MAN1C1: variants seen among roughly 807,000 people sequenced by gnomAD.
MAN1C1 encodes mannosyl-oligosaccharide 1,2-alpha-mannosidase IC.
MAN1C1 carries 49 observed loss-of-function variants against 71.5 expected under a neutral mutation model. The observed-to-expected ratio is 0.69, with a 90% CI of 0.54 to 0.87. MAN1C1 has a LOEUF of 0.87. Ranked by LOEUF, MAN1C1 falls within the 40% of genes least tolerant of loss-of-function variation. MAN1C1 has a pLI of 0.00. For missense variants in MAN1C1, 743 were observed against 835.0 expected (o/e 0.89, Z 1.36); for synonymous variants, 352 against 343.7 (o/e 1.02, Z -0.27).
At position 25,686,224 on chromosome 1, in the gene MAN1C1, T is replaced by C. The variant is rs986306637; in HGVS notation, c.541-216T>C. ...CTCTAAGAAATCTGTGGGTAGGCCC[T>C]AGACACATGGCGTTGTCTAAGAAGA... On this transcript the variant is annotated intron_variant, in intron 1 of 11. Transcript: ENST00000374332. Among the ~76,000 whole-genome samples the C allele has an allele frequency of 2.2e-4, 34 of 152,360 alleles. 1 individual carries two copies. The highest frequency in any genetic ancestry group is 7.2e-4 in the Admixed American group (11 of 15,308).
chr1:25,709,519 T>C (rs2124243794), intron 2 of MAN1C1: 1 of 152,382 alleles, frequency 6.6e-6, no homozygotes, highest in South Asian at 2.1e-4. Flanking sequence ...CCCATGCTCT[T>C]ACCCAGGGCT....
intron 1 of MAN1C1, among the ~76,000 whole-genome samples, chr1:25,671,927 G>A (rs2045998205): frequency 6.6e-6 from 1 of 152,176 alleles, no homozygotes; most frequent in Non-Finnish European, 1.5e-5. Flanking sequence ...TGGTAGAGGT[G>A]GGACTTATTA....
chr1:25,714,498 C>T (rs1009074047), intron 2 of MAN1C1, among the ~76,000 whole-genome samples: 7 of 152,072 alleles, frequency 4.6e-5, no homozygotes, highest in Admixed American at 2.6e-4. Context: ...AATGCATCCT[C>T]AAGCATTGAT....
Position 25,744,069 on chromosome 1 carries a change from G to T in MAN1C1, c.638-2599G>T, listed in dbSNP as rs77803490. Among the ~76,000 whole-genome samples the T allele has an allele frequency of 1.3e-3, 194 of 152,298 alleles. 1 individual carries two copies. Among genetic ancestry groups the T allele is most frequent in the African/African-American group, 4.7e-3 (194 of 41,546 alleles). On this transcript the variant is annotated intron_variant, in intron 2 of 11. Coordinates refer to ENST00000374332, the MANE Select transcript of MAN1C1 (RefSeq NM_020379.4). ...CTATGACAATGAAGGGGTAGGGGCA[G>T]CAGGATCCCCCAGATTCTTCCAGGC...
chr1:25,660,189 G>A (rs2045825719), intron 1 of MAN1C1, among the ~76,000 whole-genome samples: 1 of 152,040 alleles, frequency 6.6e-6, no homozygotes, highest in African/African-American at 2.4e-5. Context: ...ATCACCTGAG[G>A]TCAGGAGTTT....
At chr1:25,643,586 T>TTA (rs2045568550) in intron 1 of MAN1C1, among the ~76,000 whole-genome samples, 1 of 139,874 alleles carries the variant, frequency 7.1e-6, no homozygotes, top group African/African-American at 2.8e-5. Flanking sequence ...TATATATATA[T>TTA]TTATTATTAT....
At chr1:25,654,771 C>T (rs906470289) in intron 1 of MAN1C1, among the ~76,000 whole-genome samples, 13 of 152,138 alleles carry the variant, frequency 8.5e-5, no homozygotes, top group Admixed American at 8.5e-4. Context: ...CTCAGCCTCC[C>T]GAGTAGCTGG....
chr1:25,683,027 G>T (rs1051460269), intron 1 of MAN1C1, among the ~76,000 whole-genome samples: 3 of 146,660 alleles, frequency 2.0e-5, no homozygotes, highest in African/African-American at 7.6e-5. Flanking sequence ...AGCAGAGTGA[G>T]ACTCCATCTC....
chr1:25,762,201 A>G (rs2047370836), intron 6 of MAN1C1, among the ~76,000 whole-genome samples: 1 of 140,740 alleles, frequency 7.1e-6, no homozygotes, highest in South Asian at 2.2e-4. Context: ...ATTATAGCTC[A>G]CTCCAGCCTC....
At chr1:25,710,165 C>T (rs1394918197) in intron 2 of MAN1C1, 3 of 152,226 alleles carry the variant, frequency 2.0e-5, no homozygotes, top group African/African-American at 2.4e-5. Context: ...CATTGCTGTT[C>T]TCCCACTGGC....
chr1:25,619,770 T>A (rs748639762), intron 1 of MAN1C1, among the ~76,000 whole-genome samples: 7 of 152,218 alleles, frequency 4.6e-5, no homozygotes, highest in Non-Finnish European at 8.8e-5. Context: ...GGAACTACGC[T>A]GTTGAATACT....
intron 6 of MAN1C1, among the ~76,000 whole-genome samples, chr1:25,762,108 CTTTCT>C (rs148324488): frequency 0.53 from 63,939 of 121,262 alleles, 16,520 homozygotes; most frequent in Middle Eastern, 0.74. Context: ...ACCACATTTT[CTTTCT>C]TTTCTTTTCT....
rs1035179233 is a variant in MAN1C1 at position 25,776,918 on chromosome 1, C to T, written c.1258-1187C>T. 5.3e-5 allele frequency among the ~76,000 whole-genome samples: 8 copies of T among 152,158 alleles called. No homozygotes were observed. The highest frequency in any genetic ancestry group is 1.9e-4 in the African/African-American group (8 of 41,414). On this transcript the variant is annotated intron_variant, in intron 8 of 11. Coordinates refer to ENST00000374332, the MANE Select transcript of MAN1C1 (RefSeq NM_020379.4). The surrounding 1 kb of genome is among the most constrained non-coding windows in gnomAD (Gnocchi z 4.3). Reference sequence around the variant, plus strand: ...TCACAACCCTATGAGGCAGTTAATGCTCTTATCCCCAGTTTACACGTTAGG... The same window carrying T: ...TCACAACCCTATGAGGCAGTTAATGTTCTTATCCCCAGTTTACACGTTAGG...
chr1:25,629,458 C>T (rs1387669353), intron 1 of MAN1C1, among the ~76,000 whole-genome samples: 1 of 152,100 alleles, frequency 6.6e-6, no homozygotes, highest in Non-Finnish European at 1.5e-5. Flanking sequence ...TATTTTGAGA[C>T]AGGGTCTCCC....
intron 2 of MAN1C1, among the ~76,000 whole-genome samples, chr1:25,721,673 C>G (rs1241056128): frequency 6.6e-6 from 1 of 152,192 alleles, no homozygotes; most frequent in Non-Finnish European, 1.5e-5. Context: ...TTAGTAGATT[C>G]CGTAGGATTT....
chr1:25,625,361 A>G (rs935389783), intron 1 of MAN1C1, among the ~76,000 whole-genome samples: 4 of 152,204 alleles, frequency 2.6e-5, no homozygotes, highest in South Asian at 4.1e-4. Flanking sequence ...AAAACCGTGT[A>G]GACCACAGTT....
At chr1:25,758,294 A>G (rs1358408255) in intron 5 of MAN1C1, among the ~76,000 whole-genome samples, 3 of 152,228 alleles carry the variant, frequency 2.0e-5, no homozygotes, top group Non-Finnish European at 4.4e-5. Context: ...TAAATTCAGC[A>G]TAACTCTTGT....
intron 2 of MAN1C1, among the ~76,000 whole-genome samples, chr1:25,695,146 T>A (rs1181012102): frequency 6.6e-6 from 1 of 152,176 alleles, no homozygotes; most frequent in Non-Finnish European, 1.5e-5. Context: ...GCTATGTTGC[T>A]CACTGATTCT....
chr1:25,746,253 C>T lies in MAN1C1; in HGVS notation c.638-415C>T, dbSNP rs184644625. On this transcript the variant is annotated intron_variant, in intron 2 of 11. Coordinates refer to ENST00000374332, the MANE Select transcript of MAN1C1 (RefSeq NM_020379.4). The surrounding 1 kb of genome is among the most constrained non-coding windows in gnomAD (Gnocchi z 4.0). ...CTGGGAGGCAGAGGTTGGAGTGAGC[C>T]GAGATCGCACCATTGCACTCCAGAC... Among the ~76,000 whole-genome samples the T allele has an allele frequency of 2.0e-5, 3 of 152,134 alleles. No homozygotes were observed.
Sources: allele counts gnomAD v4.1 joint callset (sites outside exome capture counted in the v4.1 genomes callset), GRCh38; gene constraint gnomAD v4.1.1; non-coding constraint Gnocchi (gnomAD v3.1); transcripts MANE v1.5; gene names NCBI Gene and HGNC (gene_info 2026-07-23, HGNC 2026-07-21).